Variants in SCYL3 observed in about 807,000 individuals in gnomAD.
The protein encoded by SCYL3 is protein-associating with the carboxyl-terminal domain of ezrin.
SCYL3 carries 35 observed loss-of-function variants against 73.8 expected under a neutral mutation model. The observed-to-expected ratio is 0.47, with a 90% confidence interval of 0.36 to 0.63. The LOEUF is 0.63. Among genes scored for constraint, SCYL3 ranks in the 20% least tolerant of loss-of-function variants. The pLI is 0.00. For synonymous variants in SCYL3, 277 were observed against 295.2 expected (o/e 0.94, Z 0.63); for missense variants, 712 against 798.9 (o/e 0.89, Z 1.31).
rs938025836 is a variant in SCYL3, at chr1:169,893,570, G to A, written c.-51+218C>T. ...CGTCGGGGGCCGCCCGCGAAGCGCA[G>A]ATTACAGGGCGCCCCACAATCAGCA... is the stretch of plus-strand genomic sequence containing the variant. On this transcript the variant is annotated intron_variant, in intron 1 of 12. Coordinates refer to ENST00000367771, the MANE Select transcript of SCYL3 (RefSeq NM_020423.7). Among the ~76,000 whole-genome samples, 4 of 152,204 alleles carry A rather than the reference G, an allele frequency of 2.6e-5. No individual in the cohort carries two copies. The East Asian group carries it at 7.7e-4, about 29-fold the overall frequency.
In SCYL3 at chr1:169,854,717, C is replaced by T. The variant is rs1437146081; in HGVS notation, c.1560G>A (p.Glu520=). 3 of 1,614,000 alleles carry T rather than the reference C, an allele frequency of 1.9e-6. No homozygotes were observed. The highest frequency in any genetic ancestry group is 1.1e-5 in the South Asian group (1 of 91,078). ...DVEESSWDDC[E]PSSLDTKVNP... is the part of the protein sequence containing the mutation. ...TTACTTTAGTATCTAAGCTGCTGGG[C>T]TCGCAGTCATCCCAAGATGACTCTT... Residue 520 remains glutamate (E), a synonymous_variant, in exon 12 of 13, where the codon GAG becomes GAA. Transcript: ENST00000367771.
rs374472770 is a variant in SCYL3 at position 169,852,845 on chromosome 1, C to G, written c.*868G>C. 1 of 1,613,968 alleles carries G rather than the reference C, an allele frequency of 6.2e-7. No homozygotes were observed. The highest frequency in any genetic ancestry group is 8.5e-7 in the Non-Finnish European group (1 of 1,180,000). ...CCCTGGGAAGAAGAGTACAGGTCAG[C>G]GCTGCATACAATAGCAGGGGCTTTG... On this transcript the variant is annotated 3_prime_UTR_variant, in exon 13 of 13. Transcript: ENST00000367771.
At chr1:169,888,116 T>C (rs892752066) in intron 2 of SCYL3, among the ~76,000 whole-genome samples, 23 of 152,362 alleles carry the variant, frequency 1.5e-4, no homozygotes, top group African/African-American at 4.3e-4. Context: ...ATGCCTTCAT[T>C]TTCCCTAATT....
rs1390146829 is a variant in SCYL3 at position 169,850,777 on chromosome 1, C to CA, written c.*2935dup. On this transcript the variant is annotated 3_prime_UTR_variant, in exon 13 of 13. Coordinates refer to ENST00000367771, the MANE Select transcript of SCYL3 (RefSeq NM_020423.7). ...TGCCACTGCACTCCAGCCTGAGCGACAGAGTGAGACTGTCTCAAAAAAGGA... is the reference window on the plus strand; with the variant it reads ...TGCCACTGCACTCCAGCCTGAGCGACAAGAGTGAGACTGTCTCAAAAAAGGA... The CA allele has an allele frequency of 1.3e-5, 2 of 158,108 alleles. No individual in the cohort carries two copies. Among genetic ancestry groups the CA allele is most frequent in the Middle Eastern group, 6.7e-3 (2 of 298 alleles). 9.8% of individuals were successfully genotyped at this position (158,108 alleles called of 1,614,324 possible). A position where few individuals can be genotyped will look rare whatever the true frequency, so the allele number is the denominator to read the frequency against.
chr1:169,887,713 G>A (rs1001076316), intron 2 of SCYL3, among the ~76,000 whole-genome samples: 2 of 152,260 alleles, frequency 1.3e-5, no homozygotes, highest in Admixed American at 1.3e-4. Context: ...CGCATCTCGA[G>A]AGAACTGTTA....
chr1:169,893,193 GA>G (rs1249686257), intron 1 of SCYL3, among the ~76,000 whole-genome samples: 1 of 152,148 alleles, frequency 6.6e-6, no homozygotes, highest in Non-Finnish European at 1.5e-5. Flanking sequence ...ATTTCACATG[GA>G]TTCCTGAATA....
intron 4 of SCYL3, among the ~76,000 whole-genome samples, chr1:169,874,456 A>C (rs1660649558): frequency 6.6e-6 from 1 of 152,206 alleles, no homozygotes. Flanking sequence ...AAGGAGTCAC[A>C]GAAAGGAGAT....
At chr1:169,857,598 A>G (rs1305237328) in intron 11 of SCYL3, among the ~76,000 whole-genome samples, 1 of 152,250 alleles carries the variant, frequency 6.6e-6, no homozygotes, top group Non-Finnish European at 1.5e-5. Flanking sequence ...AATGAATTAT[A>G]TTCAGTGAAA....
Position 169,852,045 on chromosome 1 carries a change from A to G in SCYL3, c.*1668T>C, listed in dbSNP as rs1658423679. 6.9e-7 allele frequency: 1 copy of G among 1,450,450 alleles called. No homozygotes were observed. Among genetic ancestry groups the G allele is most frequent in the African/African-American group, 1.4e-5 (1 of 71,550 alleles). 89.8% of individuals were successfully genotyped at this position (1,450,450 alleles called of 1,614,324 possible). On this transcript the variant is annotated 3_prime_UTR_variant, in exon 13 of 13. Coordinates refer to ENST00000367771, the MANE Select transcript of SCYL3 (RefSeq NM_020423.7). ...TTTCCAGCCTTATGCTGAATTTCAA[A>G]TCAAATAGATCTAGACATGTAAAAT...
At position 169,864,456 on chromosome 1, in the gene SCYL3, A is replaced by G. The variant is rs749175653; in HGVS notation, c.868T>C (p.Leu290=). 4 of 1,611,940 alleles carry G rather than the reference A, an allele frequency of 2.5e-6. No individual in the cohort carries two copies. Among genetic ancestry groups the G allele is most frequent in the Admixed American group, 1.7e-5 (1 of 59,458 alleles). ...CLSEELIASR[L]VPLLLNQLVF... The stretch of plus-strand genomic sequence containing the variant: ...AACTGATTAAGCAGAAGAGGCACCA[A>G]CCTTGAAGCTATCAATTCCTCTGAC... The change falls in exon 9 of 13, where the codon TTG becomes CTG. Residue 290 remains leucine (L), a synonymous_variant. Coordinates refer to ENST00000367771, the MANE Select transcript of SCYL3 (RefSeq NM_020423.7).
chr1:169,889,724 AC>A (rs776633636), intron 1 of SCYL3, among the ~76,000 whole-genome samples: 5 of 152,216 alleles, frequency 3.3e-5, no homozygotes, highest in Non-Finnish European at 7.3e-5. Flanking sequence ...TGTATGAGGA[AC>A]TTTTGGGAGG....
rs770906384 is a variant in SCYL3 at position 169,852,879 on chromosome 1, T to C, written c.*834A>G. The C allele has an allele frequency of 3.1e-6, 5 of 1,614,164 alleles. No homozygotes were observed. Among genetic ancestry groups the C allele is most frequent in the Non-Finnish European group, 4.2e-6 (5 of 1,180,004 alleles). On this transcript the variant is annotated 3_prime_UTR_variant, in exon 13 of 13. Transcript: ENST00000367771. ...CAATAGCAGGGGCTTTGGAAGCAAC[T>C]GAGTCACTACTCCAAAAGGGTCCTG...
chr1:169,854,102 T>G (rs1463099788), intron 12 of SCYL3, 168 bp downstream of exon 12: 1 of 608,848 alleles, frequency 1.6e-6, no homozygotes, highest in African/African-American at 2.0e-5. Flanking sequence ...TACATTTTTC[T>G]GGGGGAAGGA....
intron 2 of SCYL3, among the ~76,000 whole-genome samples, chr1:169,885,703 T>A (rs534801635): frequency 6.6e-6 from 1 of 152,132 alleles, no homozygotes; most frequent in African/African-American, 2.4e-5. Context: ...GAGCTTGCAT[T>A]TGAGGTACTG....
At chr1:169,873,452 A>G (rs898221107) in intron 5 of SCYL3, among the ~76,000 whole-genome samples, 1 of 152,208 alleles carries the variant, frequency 6.6e-6, no homozygotes, top group Non-Finnish European at 1.5e-5. Context: ...AATGGGTATA[A>G]TTGTCTGTTC....
intron 3 of SCYL3, among the ~76,000 whole-genome samples, chr1:169,877,004 C>A (rs1660894789): frequency 7.1e-6 from 1 of 140,650 alleles, no homozygotes; most frequent in South Asian, 2.3e-4. Context: ...ATCCCACAGA[C>A]CACAAAAGAG....
chr1:169,853,830 T>C, intron 12 of SCYL3, 58 bp from the exon 13 acceptor site: 1 of 1,585,790 alleles, frequency 6.3e-7, no homozygotes, highest in Non-Finnish European at 8.6e-7. Context: ...GCAAAAATCA[T>C]ACGCAAATTT....
intron 2 of SCYL3, among the ~76,000 whole-genome samples, chr1:169,882,469 G>A (rs557208946): frequency 2.0e-5 from 3 of 152,218 alleles, no homozygotes; most frequent in East Asian, 3.9e-4. Context: ...CAGTCCCATC[G>A]ACCACCCAAA....
chr1:169,865,931 A>C (rs942089847), intron 8 of SCYL3, among the ~76,000 whole-genome samples: 2 of 152,040 alleles, frequency 1.3e-5, no homozygotes, highest in African/African-American at 4.8e-5. Context: ...CAGGATTACA[A>C]TTTGGGCTCA....
Sources: gnomAD v4.1 joint callset for allele counts (sites outside exome capture counted in the v4.1 genomes callset) on GRCh38, gnomAD v4.1.1 for gene constraint, MANE v1.5 for transcripts, NCBI Gene and HGNC (gene_info 2026-07-23, HGNC 2026-07-21) for gene names.